Variants in MRPL2 observed in about 807,000 individuals in gnomAD.
The protein encoded by MRPL2 is large ribosomal subunit protein uL2m.
Under a neutral mutation model 34.6 loss-of-function variants are expected in MRPL2, and 27 were observed. The observed-to-expected ratio is 0.78, with a 90% CI of 0.58 to 1.08. The LOEUF is 1.08. Among genes scored for constraint, MRPL2 ranks in the 50% least tolerant of loss-of-function variants. The probability of loss-of-function intolerance (pLI) is 0.00; values close to 1 mark genes in which losing one functional copy is unlikely to be tolerated. For missense variants in MRPL2, 414 were observed against 419.3 expected (o/e 0.99, Z 0.11); for synonymous variants, 155 against 158.0 (o/e 0.98, Z 0.14).
At chr6:43,059,456 C>A, upstream of MRPL2, 1 of 1,468,376 alleles carries the variant, frequency 6.8e-7, no homozygotes, top group Non-Finnish European at 9.0e-7. Context: ...GCCGTCGCTC[C>A]GCAATAACGT....
chr6:43,055,773 A>G (rs898124088), intron 5 of MRPL2, 124 bp downstream of exon 5: 11 of 1,200,746 alleles, frequency 9.2e-6, no homozygotes, highest in South Asian at 1.5e-5. Context: ...AAACACATGC[A>G]TATCTTCATC....
chr6:43,056,065 G>A lies in MRPL2; in HGVS notation c.520+16C>T, dbSNP rs370640835. The stretch of plus-strand genomic sequence containing the variant: ...TTTGCTGCCTCCAGCCCACACATCT[G>A]GTAGCCATCTCTCACCTGCCATTCG... On this transcript the variant is annotated intron_variant, in intron 4 of 6. Coordinates refer to ENST00000388752, the MANE Select transcript of MRPL2 (RefSeq NM_015950.5). 4.9e-5 allele frequency: 79 copies of A among 1,614,094 alleles called. No individual in the cohort carries two copies. The highest frequency in any genetic ancestry group is 1.3e-4 in the Admixed American group (8 of 60,014).
Position 43,054,455 on chromosome 6 carries a change from C to G in MRPL2, c.737G>C (p.Arg246Pro), listed in dbSNP as rs535875857. Residue 246 changes from arginine to proline, a missense_variant, in exon 7 of 7, where the codon CGA (arginine) becomes CCA (proline). Transcript: ENST00000388752. ...VLETCVATVG[R>P]VSNVDHNKRV... is the part of the protein sequence containing the mutation. ...TTTGTTATGATCAACGTTGGATACTCGGCCTACTGTTGCTACGCACGTTTC... is the reference window on the plus strand; with the variant it reads ...TTTGTTATGATCAACGTTGGATACTGGGCCTACTGTTGCTACGCACGTTTC... 42 of 1,614,180 alleles carry G rather than the reference C, an allele frequency of 2.6e-5. 1 individual carries two copies. In the South Asian group the frequency reaches 4.4e-4, roughly 17 times the overall value.
intron 2 of MRPL2, 93 bp downstream of exon 2, chr6:43,057,972 G>C: frequency 7.1e-7 from 1 of 1,411,300 alleles, no homozygotes; most frequent in Middle Eastern, 2.5e-4. Context: ...ACATTCCTCT[G>C]CCTTACAAGG....
Position 43,056,561 on chromosome 6 carries a change from A to T in MRPL2, c.266-116T>A, listed in dbSNP as rs1382722797. 4.6e-6 allele frequency: 6 copies of T among 1,302,896 alleles called. No homozygotes were observed. In the African/African-American group the frequency reaches 5.9e-5, roughly 13 times the overall value. 80.7% of individuals were successfully genotyped at this position (1,302,896 alleles called of 1,614,324 possible). A position where few individuals can be genotyped will look rare whatever the true frequency, so the allele number is the denominator to read the frequency against. Reference sequence around the variant, plus strand: ...GTGCTTAGCATTGTGGCACAAGCAGAAATGATAAAAATTTGCACAGCACAC... The same window carrying T: ...GTGCTTAGCATTGTGGCACAAGCAGTAATGATAAAAATTTGCACAGCACAC... On this transcript the variant is annotated intron_variant, in intron 2 of 6. Coordinates refer to ENST00000388752, the MANE Select transcript of MRPL2 (RefSeq NM_015950.5).
At position 43,054,446 on chromosome 6, in the gene MRPL2, T is replaced by C. The variant is rs774510424; in HGVS notation, c.746A>G (p.Asn249Ser). The C allele has an allele frequency of 2.5e-6, 4 of 1,614,178 alleles. No homozygotes were observed. Among genetic ancestry groups the C allele is most frequent in the East Asian group, 2.2e-5 (1 of 44,880 alleles). Residue 249 changes from asparagine (N) to serine (S), a missense_variant, in exon 7 of 7, where the codon AAC becomes AGC. Physicochemically the swap from Asn to Ser is conservative, Grantham distance 46. Coordinates refer to ENST00000388752, the MANE Select transcript of MRPL2 (RefSeq NM_015950.5). ...AATGACCCGTTTGTTATGATCAACGTTGGATACTCGGCCTACTGTTGCTAC... is the reference window on the plus strand; with the variant it reads ...AATGACCCGTTTGTTATGATCAACGCTGGATACTCGGCCTACTGTTGCTAC... ...TCVATVGRVSNVDHNKRVIGK... is the reference protein window; with the variant it reads ...TCVATVGRVSSVDHNKRVIGK...
At position 43,054,179 on chromosome 6, in the gene MRPL2, A is replaced by AG. The variant is rs1764717306; in HGVS notation, c.*94_*95insC. On this transcript the variant is annotated 3_prime_UTR_variant, in exon 7 of 7. Transcript: ENST00000388752. ...GTACCATCCCCTCCCCCGCAAAAAA[A>AG]AAACAACAACAAAAAAAACAAAAAA... is the stretch of plus-strand genomic sequence containing the variant. 1 of 1,026,620 alleles carries AG rather than the reference A, an allele frequency of 9.7e-7. No homozygotes were observed. Among genetic ancestry groups the AG allele is most frequent in the African/African-American group, 1.6e-5 (1 of 61,716 alleles). The allele number at this position is 1,026,620 out of a possible 1,614,324, so 63.6% of individuals were successfully genotyped here. A position where few individuals can be genotyped will look rare whatever the true frequency, so the allele number is the denominator to read the frequency against.
chr6:43,054,094 G>A lies in MRPL2; in HGVS notation c.*180C>T, dbSNP rs1695423902. 3.1e-6 allele frequency: 2 copies of A among 637,184 alleles called. No individual in the cohort carries two copies. Among genetic ancestry groups the A allele is most frequent in the Non-Finnish European group, 5.4e-6 (2 of 372,116 alleles). 39.5% of individuals were successfully genotyped at this position (637,184 alleles called of 1,614,324 possible). ...TTGTAAGGGAATTGGGGTGGGGACAGACCCAGTGTCCTGTACTTTCTCTTC... is the reference window on the plus strand; with the variant it reads ...TTGTAAGGGAATTGGGGTGGGGACAAACCCAGTGTCCTGTACTTTCTCTTC... On this transcript the variant is annotated 3_prime_UTR_variant, in exon 7 of 7. Transcript: ENST00000388752.
At chr6:43,059,850 G>A, upstream of MRPL2, 1 of 1,191,328 alleles carries the variant, frequency 8.4e-7, no homozygotes, top group African/African-American at 1.6e-5. Flanking sequence ...CGTCCAGACA[G>A]ATAGACAGAC....
At chr6:43,059,474 G>A (rs553394250), upstream of MRPL2, 10 of 1,455,330 alleles carry the variant, frequency 6.9e-6, no homozygotes, top group South Asian at 1.3e-4. Flanking sequence ...CGTAAAAGGA[G>A]GCGGGCAGAA....
upstream of MRPL2, chr6:43,059,785 T>C: frequency 8.5e-7 from 1 of 1,173,584 alleles, no homozygotes; most frequent in Non-Finnish European, 1.1e-6. Context: ...CAACCAACCT[T>C]ACAAAACTCC....
At chr6:43,059,243 A>C in intron 1 of MRPL2, 43 bp downstream of exon 1, 1 of 1,551,162 alleles carries the variant, frequency 6.4e-7, no homozygotes, top group Non-Finnish European at 8.7e-7. Flanking sequence ...CATCTCCGGC[A>C]GCCCGAATGG....
In MRPL2 at chr6:43,059,392, C is replaced by T. The variant is rs368107776; in HGVS notation, c.-11G>A. 2 of 1,536,596 alleles carry T rather than the reference C, an allele frequency of 1.3e-6. No homozygotes were observed. Among genetic ancestry groups the T allele is most frequent in the Admixed American group, 4.0e-5 (2 of 49,844 alleles). ...TGCGCACAGGGCCATCAGCACGACA[C>T]CCTTACTTTTAGCCAAGCTGCTCGG... On this transcript the variant is annotated 5_prime_UTR_variant, in exon 1 of 7. In the 5' UTR this introduces an upstream ATG that the reference lacks. Coordinates refer to ENST00000388752, the MANE Select transcript of MRPL2 (RefSeq NM_015950.5).
At chr6:43,054,548 G>A (rs1385996447) in intron 6 of MRPL2, 62 bp from the exon 7 acceptor site, 3 of 1,460,894 alleles carry the variant, frequency 2.1e-6, no homozygotes, top group African/African-American at 1.4e-5. Flanking sequence ...ACAATGTTGA[G>A]AGCACACCCT....
chr6:43,056,212 G>A lies in MRPL2; in HGVS notation c.405-16C>T. 1.2e-6 allele frequency: 2 copies of A among 1,612,920 alleles called. No homozygotes were observed. The highest frequency in any genetic ancestry group is 1.3e-5 in the African/African-American group (1 of 75,010). On this transcript the variant is annotated splice_polypyrimidine_tract_variant and intron_variant, in intron 3 of 6. Transcript: ENST00000388752. The stretch of plus-strand genomic sequence containing the variant: ...GTCTGCTGACCTAATCAGGGTGAGG[G>A]ACAGGTAAGCAGACCGTCTAGGCAG...
At position 43,055,592 on chromosome 6, in the gene MRPL2, C is replaced by A; in HGVS notation, c.658G>T (p.Val220Leu). 1 of 1,614,138 alleles carries A rather than the reference C, an allele frequency of 6.2e-7. No homozygotes were observed. Among genetic ancestry groups the A allele is most frequent in the South Asian group, 1.1e-5 (1 of 91,078 alleles). The change falls in exon 6 of 7, where the codon GTG becomes TTG. Residue 220 changes from valine to leucine, a missense_variant. Physicochemically the swap from Val to Leu is conservative, Grantham distance 32 (BLOSUM62 1). Transcript: ENST00000388752. ...AGTCGVLLRK[V>L]NGTAIIQLPS... ...AGCTGGATAATGGCTGTGCCATTCA[C>A]CTTCCGCAGTAGCACACCACACGTC...
At chr6:43,058,361 C>G in intron 1 of MRPL2, 128 bp from the exon 2 acceptor site, 1 of 862,430 alleles carries the variant, frequency 1.2e-6, no homozygotes, top group Non-Finnish European at 1.8e-6. Context: ...CCCAAACCAG[C>G]TATCCAAAAA....
Position 43,054,111 on chromosome 6 carries a change from T to C in MRPL2, c.*163A>G. On this transcript the variant is annotated 3_prime_UTR_variant, in exon 7 of 7. Coordinates refer to ENST00000388752, the MANE Select transcript of MRPL2 (RefSeq NM_015950.5). ...TGGGGACAGACCCAGTGTCCTGTACTTTCTCTTCCACACTTTTTACTTCTT... is the reference window on the plus strand; with the variant it reads ...TGGGGACAGACCCAGTGTCCTGTACCTTCTCTTCCACACTTTTTACTTCTT... 1.5e-6 allele frequency: 1 copy of C among 656,254 alleles called. No individual in the cohort carries two copies. Among genetic ancestry groups the C allele is most frequent in the Non-Finnish European group, 2.6e-6 (1 of 389,332 alleles). The allele number at this position is 656,254 out of a possible 1,614,324, so 40.7% of individuals were successfully genotyped here. A position where few individuals can be genotyped will look rare whatever the true frequency, so the allele number is the denominator to read the frequency against.
rs1398414695 is a variant in MRPL2 at position 43,058,191 on chromosome 6, A to G, written c.139T>C (p.Leu47=). The change falls in exon 2 of 7, where the codon TTG becomes CTG. Residue 47 remains leucine, a synonymous_variant. Coordinates refer to ENST00000388752, the MANE Select transcript of MRPL2 (RefSeq NM_015950.5). Reference sequence around the variant, plus strand: ...GTAAGAACTGGGCGGCAGGGGAGCAACATCAAGGCAGAGGGCTGTTGGAGG... The same window carrying G: ...GTAAGAACTGGGCGGCAGGGGAGCAGCATCAAGGCAGAGGGCTGTTGGAGG... The part of the protein sequence containing the change: ...GLLQQPSALM[L]LPCRPVLTSV... 5 of 1,614,216 alleles carry G rather than the reference A, an allele frequency of 3.1e-6. No individual in the cohort carries two copies. The highest frequency in any genetic ancestry group is 4.2e-6 in the Non-Finnish European group (5 of 1,180,038).
Sources: gnomAD v4.1 joint callset for allele counts on GRCh38, gnomAD v4.1.1 for gene constraint, MANE v1.5 for transcripts, NCBI Gene and HGNC (gene_info 2026-07-23, HGNC 2026-07-21) for gene names.